ZFP36L2: variants seen among roughly 807,000 people sequenced by gnomAD.
ZFP36L2 encodes the protein mRNA decay activator protein ZFP36L2.
In ZFP36L2, 16 loss-of-function variants were observed where a neutral mutation model predicts 27.9. The ratio of observed to expected loss-of-function variants is 0.57; its 90% confidence interval spans 0.39 to 0.87. The LOEUF is 0.87. Among genes scored for constraint, ZFP36L2 ranks in the 40% least tolerant of loss-of-function variants. The probability of loss-of-function intolerance (pLI) is 0.00; values close to 1 mark genes in which losing one functional copy is unlikely to be tolerated. For missense variants in ZFP36L2, 989 were observed against 726.9 expected (o/e 1.36, Z -4.15); for synonymous variants, 600 against 363.8 (o/e 1.65, Z -7.39).
In ZFP36L2 at chr2:43,224,271, A is replaced by G. The variant is rs1290296843; in HGVS notation, c.*48T>C. The G allele has an allele frequency of 6.8e-6, 10 of 1,479,666 alleles. No individual in the cohort carries two copies. In the Middle Eastern group the frequency reaches 7.3e-4, roughly 109 times the overall value. The allele number at this position is 1,479,666 out of a possible 1,614,324, so 91.7% of individuals were successfully genotyped here. On this transcript the variant is annotated 3_prime_UTR_variant, in exon 2 of 2. Coordinates refer to ENST00000282388, the MANE Select transcript of ZFP36L2 (RefSeq NM_006887.5). ...GGCGAGATGGCGAGGGGTGTCCTCC[A>G]ACATCTCTGAACCGCCTTCCCTTCC...
Position 43,224,645 on chromosome 2 carries a change from C to T in ZFP36L2, c.1159G>A (p.Ala387Thr). The T allele has an allele frequency of 6.7e-7, 1 of 1,503,712 alleles. No individual in the cohort carries two copies. The highest frequency in any genetic ancestry group is 8.8e-7 in the Non-Finnish European group (1 of 1,130,042). The allele number at this position is 1,503,712 out of a possible 1,614,324, so 93.1% of individuals were successfully genotyped here. Reference sequence around the variant, plus strand: ...TGACTGCGGTAGTAGGCGGCGGCGGCCACGGCGGCAAAGTTGTGGGTCTGG... The same window carrying T: ...TGACTGCGGTAGTAGGCGGCGGCGGTCACGGCGGCAAAGTTGTGGGTCTGG... ...AIQTHNFAAV[A>T]AAAYYRSQQQ... Residue 387 changes from alanine to threonine, a missense_variant, in exon 2 of 2, where the codon GCC (alanine) becomes ACC (threonine). By Grantham distance (58) the Ala-to-Thr change is moderately conservative (BLOSUM62 0). Coordinates refer to ENST00000282388, the MANE Select transcript of ZFP36L2 (RefSeq NM_006887.5).
chr2:43,225,728 T>C lies in ZFP36L2; in HGVS notation c.76A>G (p.Asn26Asp). The C allele has an allele frequency of 6.3e-7, 1 of 1,593,470 alleles. No homozygotes were observed. Among genetic ancestry groups the C allele is most frequent in the South Asian group, 1.1e-5 (1 of 90,804 alleles). Residue 26 changes from asparagine to aspartate, a missense_variant, in exon 2 of 2, where the codon AAC becomes GAC. Physicochemically the swap from Asn to Asp is conservative, Grantham distance 23. Transcript: ENST00000282388. ...CKTEKSLANLNLNNMLDKKAV... is the reference protein window; with the variant it reads ...CKTEKSLANLDLNNMLDKKAV... ...TTCTTGTCCAGCATGTTGTTCAGGT[T>C]GAGGTTGGCCAGGGATTTCTCTGTC...
rs902724933 is a variant in ZFP36L2 at position 43,222,906 on chromosome 2, T to C, written c.*1413A>G. 13 of 152,356 alleles carry C rather than the reference T, an allele frequency of 8.5e-5. No homozygotes were observed. The highest frequency in any genetic ancestry group is 3.1e-4 in the African/African-American group (13 of 41,430). The allele number at this position is 152,356 out of a possible 1,614,324, so 9.4% of individuals were successfully genotyped here. A position where few individuals can be genotyped will look rare whatever the true frequency, so the allele number is the denominator to read the frequency against. ...CAAGTTCGGGCCCTTCCAAAGGCAC[T>C]GTGAGACTCCCCCCCCACTCCCCGT... On this transcript the variant is annotated 3_prime_UTR_variant, in exon 2 of 2. Transcript: ENST00000282388.
chr2:43,225,133 G>C lies in ZFP36L2; in HGVS notation c.671C>G (p.Ala224Gly), dbSNP rs1335615441. The C allele has an allele frequency of 6.3e-7, 1 of 1,586,484 alleles. No individual in the cohort carries two copies. Among genetic ancestry groups the C allele is most frequent in the South Asian group, 1.1e-5 (1 of 90,086 alleles). Residue 224 changes from alanine to glycine, a missense_variant, in exon 2 of 2, where the codon GCG (alanine) becomes GGG (glycine). Ala to Gly is a moderately conservative substitution (Grantham distance 60, BLOSUM62 0). Coordinates refer to ENST00000282388, the MANE Select transcript of ZFP36L2 (RefSeq NM_006887.5). ...GTCCCCGGAGGCGCCCCCCGACGGC[G>C]CGGGCCGCCGCTCGTCCGCGTTGTG... is the stretch of plus-strand genomic sequence containing the variant. ...FIHNADERRPAPSGGASGDLR... is the reference protein window; with the variant it reads ...FIHNADERRPGPSGGASGDLR...
rs1164670914 is a variant in ZFP36L2, at chr2:43,222,992, C to T, written c.*1327G>A. ...GTAGAACTGGTGGAATAAGCAAACA[C>T]TTTTTTGCTAGTTTATAAAGTTGGA... On this transcript the variant is annotated 3_prime_UTR_variant, in exon 2 of 2. Transcript: ENST00000282388. 2.6e-5 allele frequency: 4 copies of T among 152,226 alleles called. No individual in the cohort carries two copies. Among genetic ancestry groups the T allele is most frequent in the South Asian group, 2.1e-4 (1 of 4,830 alleles). 9.4% of individuals were successfully genotyped at this position (152,226 alleles called of 1,614,324 possible).
Position 43,224,264 on chromosome 2 carries a change from G to A in ZFP36L2, c.*55C>T. The A allele has an allele frequency of 6.8e-7, 1 of 1,460,774 alleles. No individual in the cohort carries two copies. The highest frequency in any genetic ancestry group is 9.0e-7 in the Non-Finnish European group (1 of 1,105,482). 90.5% of individuals were successfully genotyped at this position (1,460,774 alleles called of 1,614,324 possible). A position where few individuals can be genotyped will look rare whatever the true frequency, so the allele number is the denominator to read the frequency against. On this transcript the variant is annotated 3_prime_UTR_variant, in exon 2 of 2. Transcript: ENST00000282388. ...CAGCAAGGGCGAGATGGCGAGGGGT[G>A]TCCTCCAACATCTCTGAACCGCCTT... is the stretch of plus-strand genomic sequence containing the variant.
In ZFP36L2 at chr2:43,224,822, CGGCCGCCGCGGA is replaced by C; in HGVS notation, c.970_981del (p.Ser324_Ala327del). On this transcript the variant is annotated inframe_deletion, in exon 2 of 2. Coordinates refer to ENST00000282388, the MANE Select transcript of ZFP36L2 (RefSeq NM_006887.5). ...CCGTACAGCAGAGCGGCCGCAGCCG[CGGCCGCCGCGGA>C]GGCGCAGCATGTCGGGGCGCCCGAG... 1 of 1,421,818 alleles carries C rather than the reference CGGCCGCCGCGGA, an allele frequency of 7.0e-7. No homozygotes were observed. Among genetic ancestry groups the C allele is most frequent in the Non-Finnish European group, 9.1e-7 (1 of 1,101,384 alleles). 88.1% of individuals were successfully genotyped at this position (1,421,818 alleles called of 1,614,324 possible).
chr2:43,224,791 C>T lies in ZFP36L2; in HGVS notation c.1013G>A (p.Gly338Glu), dbSNP rs1320117572. 2.1e-5 allele frequency: 30 copies of T among 1,462,336 alleles called. No homozygotes were observed. Among genetic ancestry groups the T allele is most frequent in the Non-Finnish European group, 2.7e-5 (30 of 1,115,000 alleles). 90.6% of individuals were successfully genotyped at this position (1,462,336 alleles called of 1,614,324 possible). A position where few individuals can be genotyped will look rare whatever the true frequency, so the allele number is the denominator to read the frequency against. The change falls in exon 2 of 2, where the codon GGG (glycine) becomes GAG (glutamate). Residue 338 changes from glycine (G) to glutamate (E), a missense_variant. Coordinates refer to ENST00000282388, the MANE Select transcript of ZFP36L2 (RefSeq NM_006887.5). ...AAAAALLYGTGGAEDLLAPGA... is the reference protein window; with the variant it reads ...AAAAALLYGTEGAEDLLAPGA... Reference sequence around the variant, plus strand: ...CGGCGCCAGCAGGTCCTCGGCGCCCCCGGTGCCGTACAGCAGAGCGGCCGC... The same window carrying T: ...CGGCGCCAGCAGGTCCTCGGCGCCCTCGGTGCCGTACAGCAGAGCGGCCGC...
intron 1 of ZFP36L2, 86 bp from the exon 2 acceptor site, chr2:43,225,838 G>C (rs1287251251): frequency 2.2e-6 from 3 of 1,380,422 alleles, no homozygotes; most frequent in African/African-American, 3.0e-5. Context: ...CTCCCAGCCT[G>C]ATTCTTTTCC....
At position 43,224,583 on chromosome 2, in the gene ZFP36L2, C is replaced by G. The variant is rs1667040166; in HGVS notation, c.1221G>C (p.Ala407=). The part of the protein sequence containing the change: ...QQQQQGLAPP[A]QPPAPPSATL... ...TCGCGCTGGGCGGCGCCGGCGGCTG[C>G]GCGGGGGGCGCCAGGCCCTGCTGCT... Residue 407 remains alanine (A), a synonymous_variant, in exon 2 of 2, where the codon GCG becomes GCC. Coordinates refer to ENST00000282388, the MANE Select transcript of ZFP36L2 (RefSeq NM_006887.5). The G allele has an allele frequency of 1.5e-6, 2 of 1,338,054 alleles. No homozygotes were observed. The highest frequency in any genetic ancestry group is 3.8e-5 in the Admixed American group (1 of 26,380). The allele number at this position is 1,338,054 out of a possible 1,614,324, so 82.9% of individuals were successfully genotyped here.
In ZFP36L2 at chr2:43,225,446, G is replaced by T. The variant is rs1297128446; in HGVS notation, c.358C>A (p.Arg120=). The change falls in exon 2 of 2, where the codon CGG becomes AGG. Residue 120 remains arginine (R), a synonymous_variant. Transcript: ENST00000282388. ...CCGTTCTCGCTAAACGAGCGGTCCC[G>T]GAATTTGTTCTCCTTGTTGAGCAGG... The part of the protein sequence containing the change: ...TALLNKENKF[R]DRSFSENGDR... 4 of 1,611,424 alleles carry T rather than the reference G, an allele frequency of 2.5e-6. No individual in the cohort carries two copies. In the African/African-American group the frequency reaches 5.4e-5, roughly 22 times the overall value.
Position 43,226,471 on chromosome 2 carries a change from G to A in ZFP36L2, c.-156C>T. The stretch of plus-strand genomic sequence containing the variant: ...GGCGAGAGGAGAGGGCGAGTGCAGC[G>A]GCGCGGGCCGGCGGGAGGGTCCGGC... On this transcript the variant is annotated 5_prime_UTR_variant, in exon 1 of 2. Coordinates refer to ENST00000282388, the MANE Select transcript of ZFP36L2 (RefSeq NM_006887.5). 3.3e-6 allele frequency: 3 copies of A among 907,998 alleles called. No homozygotes were observed. Among genetic ancestry groups the A allele is most frequent in the Non-Finnish European group, 5.0e-6 (3 of 595,428 alleles). The allele number at this position is 907,998 out of a possible 1,614,324, so 56.2% of individuals were successfully genotyped here. A position where few individuals can be genotyped will look rare whatever the true frequency, so the allele number is the denominator to read the frequency against.
At position 43,226,416 on chromosome 2, in the gene ZFP36L2, G is replaced by A; in HGVS notation, c.-101C>T. The A allele has an allele frequency of 1.4e-6, 2 of 1,450,802 alleles. No homozygotes were observed. The highest frequency in any genetic ancestry group is 1.9e-6 in the Non-Finnish European group (2 of 1,060,460). 89.9% of individuals were successfully genotyped at this position (1,450,802 alleles called of 1,614,324 possible). On this transcript the variant is annotated 5_prime_UTR_variant, in exon 1 of 2. Coordinates refer to ENST00000282388, the MANE Select transcript of ZFP36L2 (RefSeq NM_006887.5). ...TGAGCCACGACGAATAACGGGCGAG[G>A]GGCGGGGAGGGGCCGAAAGTTTGCC...
rs1397310102 is a variant in ZFP36L2 at position 43,225,415 on chromosome 2, C to A, written c.389G>T (p.Arg130Leu). 5 of 1,613,270 alleles carry A rather than the reference C, an allele frequency of 3.1e-6. No individual in the cohort carries two copies. Among genetic ancestry groups the A allele is most frequent in the East Asian group, 2.2e-5 (1 of 44,874 alleles). ...RDRSFSENGD[R>L]SQHLLHLQQQ... ...CTGCAGGTGCAGGAGGTGCTGGCTG[C>A]GATCGCCGTTCTCGCTAAACGAGCG... is the stretch of plus-strand genomic sequence containing the variant. The change falls in exon 2 of 2, where the codon CGC (arginine) becomes CTC (leucine). Residue 130 changes from arginine (R) to leucine (L), a missense_variant. Arg to Leu is a moderately radical substitution (Grantham distance 102). Transcript: ENST00000282388.
At chr2:43,226,192 CA>C in intron 1 of ZFP36L2, 72 bp downstream of exon 1, 1 of 1,539,764 alleles carries the variant, frequency 6.5e-7, no homozygotes, top group Non-Finnish European at 8.8e-7. Flanking sequence ...GGGCGTCCCC[CA>C]GAACCTGGGG....
At chr2:43,225,848 C>T in intron 1 of ZFP36L2, 96 bp from the exon 2 acceptor site, 4 of 1,320,486 alleles carry the variant, frequency 3.0e-6, no homozygotes, top group East Asian at 2.5e-5. Context: ...GATTCTTTTC[C>T]TTTTTTTCCC....
At chr2:43,225,897 C>A in intron 1 of ZFP36L2, 145 bp from the exon 2 acceptor site, 1 of 870,102 alleles carries the variant, frequency 1.1e-6, no homozygotes, top group Non-Finnish European at 1.7e-6. Context: ...CCACCCTCCA[C>A]CTATACACGC....
Position 43,225,070 on chromosome 2 carries a change from C to A in ZFP36L2, c.734G>T (p.Gly245Val). 6.3e-7 allele frequency: 1 copy of A among 1,594,942 alleles called. No homozygotes were observed. Among genetic ancestry groups the A allele is most frequent in the Non-Finnish European group, 8.5e-7 (1 of 1,177,990 alleles). Reference protein sequence around the residue: ...AFGTRDALHLGFPREPRPKLH... With the variant: ...AFGTRDALHLVFPREPRPKLH... ...CTTGGGCCGCGGCTCCCGCGGGAAG[C>A]CCAGGTGCAACGCATCGCGCGTGCC... is the stretch of plus-strand genomic sequence containing the variant. Residue 245 changes from glycine (G) to valine (V), a missense_variant, in exon 2 of 2, where the codon GGC (glycine) becomes GTC (valine). Transcript: ENST00000282388.
At position 43,224,831 on chromosome 2, in the gene ZFP36L2, C is replaced by T. The variant is rs1353675176; in HGVS notation, c.973G>A (p.Ala325Thr). The T allele has an allele frequency of 1.4e-6, 2 of 1,432,366 alleles. No homozygotes were observed. The highest frequency in any genetic ancestry group is 1.5e-5 in the African/African-American group (1 of 65,696). 88.7% of individuals were successfully genotyped at this position (1,432,366 alleles called of 1,614,324 possible). A position where few individuals can be genotyped will look rare whatever the true frequency, so the allele number is the denominator to read the frequency against. Residue 325 changes from alanine (A) to threonine (T), a missense_variant, in exon 2 of 2, where the codon GCG (alanine) becomes ACG (threonine). Transcript: ENST00000282388. ...AGAGCGGCCGCAGCCGCGGCCGCCG[C>T]GGAGGCGCAGCATGTCGGGGCGCCC... is the stretch of plus-strand genomic sequence containing the variant. The part of the protein sequence containing the change: ...PSGAPTCCAS[A>T]AAAAAAALLY...
Sources: allele counts gnomAD v4.1 joint callset, GRCh38; gene constraint gnomAD v4.1.1; transcripts MANE v1.5; gene names NCBI Gene and HGNC (gene_info 2026-07-23, HGNC 2026-07-21).